Variants in PIP4K2A observed in about 807,000 individuals in gnomAD.
PIP4K2A encodes the protein phosphatidylinositol 5-phosphate 4-kinase type-2 alpha.
In PIP4K2A, 14 loss-of-function variants were observed where a neutral mutation model predicts 42.9. That is an observed-to-expected ratio of 0.33 (90% CI 0.22 to 0.51). PIP4K2A has a LOEUF of 0.51. PIP4K2A is among the 20% of genes least tolerant of loss of function. The pLI, the probability that PIP4K2A is intolerant of heterozygous loss-of-function variation, is 0.97. For synonymous variants in PIP4K2A, 192 were observed against 192.2 expected (o/e 1.00, Z 0.01); for missense variants, 434 against 519.8 (o/e 0.83, Z 1.61).
At chr10:22,675,501 G>T (rs555311886) in intron 1 of PIP4K2A, among the ~76,000 whole-genome samples, 1 of 152,124 alleles carries the variant, frequency 6.6e-6, no homozygotes, top group African/African-American at 2.4e-5. Context: ...CAGGAGAATC[G>T]CTTGAACCCG....
rs374735269 is a variant in PIP4K2A, at chr10:22,591,616, C to T, written c.492+13G>A. ...TCTTCTTGGAGTTTCAAATAAAGAT[C>T]AAGAAAAATTACCTGGTGGTATTTC... On this transcript the variant is annotated intron_variant, in intron 4 of 9. Transcript: ENST00000376573. The T allele has an allele frequency of 1.9e-6, 3 of 1,590,966 alleles. No individual in the cohort carries two copies. In the African/African-American group the frequency reaches 4.0e-5, roughly 21 times the overall value.
chr10:22,620,971 A>G (rs574732231), intron 1 of PIP4K2A, among the ~76,000 whole-genome samples: 1 of 152,362 alleles, frequency 6.6e-6, no homozygotes, highest in South Asian at 2.1e-4. Context: ...CCAATATTCT[A>G]ATCAAAGGCA....
intron 1 of PIP4K2A, among the ~76,000 whole-genome samples, chr10:22,616,908 T>C (rs947949002): frequency 6.6e-6 from 1 of 152,234 alleles, no homozygotes; most frequent in Non-Finnish European, 1.5e-5. Flanking sequence ...CCATTAAATC[T>C]TAATGAATCA....
intron 1 of PIP4K2A, among the ~76,000 whole-genome samples, chr10:22,704,402 A>G (rs1007641844): frequency 8.5e-5 from 13 of 152,178 alleles, no homozygotes; most frequent in Admixed American, 8.5e-4. Context: ...GGGTAAGTTA[A>G]GGAGATCATC....
At chr10:22,682,268 T>C (rs1408895022) in intron 1 of PIP4K2A, among the ~76,000 whole-genome samples, 1 of 152,230 alleles carries the variant, frequency 6.6e-6, no homozygotes, top group Admixed American at 6.5e-5. Context: ...TACTTTTCAT[T>C]AAACTTTTCT....
intron 7 of PIP4K2A, among the ~76,000 whole-genome samples, chr10:22,543,007 G>A (rs1195282209): frequency 6.6e-6 from 1 of 152,230 alleles, no homozygotes; most frequent in Non-Finnish European, 1.5e-5. Flanking sequence ...ATGCAGAGTG[G>A]CTGAGCAGCC....
At chr10:22,606,592 A>G (rs1837912130) in intron 3 of PIP4K2A, among the ~76,000 whole-genome samples, 1 of 152,248 alleles carries the variant, frequency 6.6e-6, no homozygotes, top group Non-Finnish European at 1.5e-5. Context: ...GCAATGGTAC[A>G]GAGAGGGCAG....
chr10:22,596,754 CAA>C (rs1424255282), intron 3 of PIP4K2A, among the ~76,000 whole-genome samples: 1 of 152,210 alleles, frequency 6.6e-6, no homozygotes, highest in Non-Finnish European at 1.5e-5. Flanking sequence ...CCAAACCACT[CAA>C]TATACAGATA....
chr10:22,635,270 G>A (rs1342156709), intron 1 of PIP4K2A, among the ~76,000 whole-genome samples: 2 of 152,154 alleles, frequency 1.3e-5, no homozygotes, highest in Non-Finnish European at 2.9e-5. Context: ...TGTTATGGCA[G>A]GTTCATCGAA....
rs1343600977 is a variant in PIP4K2A, at chr10:22,575,722, G to A, written c.493-2265C>T. ...TTGGAGGCCAAGGCAGGTGGATCAC[G>A]AGGTCAGGAGTCCAAGATCAGCCTG... On this transcript the variant is annotated intron_variant, in intron 4 of 9. Coordinates refer to ENST00000376573, the MANE Select transcript of PIP4K2A (RefSeq NM_005028.5). Among the ~76,000 whole-genome samples, 7 of 152,088 alleles carry A rather than the reference G, an allele frequency of 4.6e-5. No individual in the cohort carries two copies. The East Asian group carries it at 1.2e-3, about 25-fold the overall frequency.
intron 1 of PIP4K2A, among the ~76,000 whole-genome samples, chr10:22,665,252 A>G (rs1182264949): frequency 6.6e-6 from 1 of 152,240 alleles, no homozygotes; most frequent in Non-Finnish European, 1.5e-5. Context: ...AAAAGCAACA[A>G]GAGAAATGCT....
chr10:22,682,831 A>G (rs1298369524), intron 1 of PIP4K2A, among the ~76,000 whole-genome samples: 1 of 152,184 alleles, frequency 6.6e-6, no homozygotes, highest in East Asian at 1.9e-4. Flanking sequence ...TGCTGGGAAC[A>G]CTTGGTAATT....
chr10:22,630,117 G>A (rs895159492), intron 1 of PIP4K2A, among the ~76,000 whole-genome samples: 1 of 151,174 alleles, frequency 6.6e-6, no homozygotes. Flanking sequence ...GAGGGAAGAC[G>A]CTTAAGGTCA....
chr10:22,645,363 T>C (rs781531565), intron 1 of PIP4K2A, among the ~76,000 whole-genome samples: 1 of 152,008 alleles, frequency 6.6e-6, no homozygotes, highest in Admixed American at 6.6e-5. Flanking sequence ...TTGAGCAACA[T>C]AGTGAGACCC....
intron 1 of PIP4K2A, among the ~76,000 whole-genome samples, chr10:22,638,957 G>T (rs895002214): frequency 2.0e-5 from 3 of 152,122 alleles, no homozygotes; most frequent in African/African-American, 7.2e-5. Flanking sequence ...TGAGCATGTG[G>T]TTGGCTAACA....
intron 1 of PIP4K2A, among the ~76,000 whole-genome samples, chr10:22,683,931 C>T (rs1013481714): frequency 6.6e-6 from 1 of 152,016 alleles, no homozygotes; most frequent in African/African-American, 2.4e-5. Context: ...TGGAATCGCC[C>T]AGCGCTTCCT....
chr10:22,616,946 T>G (rs925194670), intron 1 of PIP4K2A, among the ~76,000 whole-genome samples: 1 of 152,238 alleles, frequency 6.6e-6, no homozygotes, highest in Non-Finnish European at 1.5e-5. Flanking sequence ...GGATGTAAAA[T>G]CTACTTCTAA....
chr10:22,580,064 C>A (rs879136847), intron 4 of PIP4K2A, among the ~76,000 whole-genome samples: 1 of 151,752 alleles, frequency 6.6e-6, no homozygotes, highest in Non-Finnish European at 1.5e-5. Flanking sequence ...GGCAGGAAGG[C>A]GTGAGGGAGG....
At chr10:22,549,229 A>T (rs1564415615) in intron 7 of PIP4K2A, among the ~76,000 whole-genome samples, 2 of 152,384 alleles carry the variant, frequency 1.3e-5, no homozygotes, top group African/African-American at 4.8e-5. Context: ...TAACTTGGTC[A>T]GTGTGAGTTT....
Sources: allele counts gnomAD v4.1 joint callset (sites outside exome capture counted in the v4.1 genomes callset), GRCh38; gene constraint gnomAD v4.1.1; transcripts MANE v1.5; gene names NCBI Gene and HGNC (gene_info 2026-07-23, HGNC 2026-07-21).